Variants in PKD1L1 observed in about 807,000 individuals in gnomAD.
PKD1L1 encodes polycystin-1-like protein 1.
Under a neutral mutation model 323.4 loss-of-function variants are expected in PKD1L1, and 236 were observed. That is an observed-to-expected ratio of 0.73 (90% confidence interval 0.66 to 0.81). The LOEUF is 0.81. PKD1L1 is among the 40% of genes least tolerant of loss of function. The pLI is 0.00. For missense variants in PKD1L1, 3,320 were observed against 3,508.0 expected (o/e 0.95, Z 1.35); for synonymous variants, 1,344 against 1,335.0 (o/e 1.01, Z -0.15).
chr7:47,832,061 T>C (rs879349006), intron 41 of PKD1L1, among the ~76,000 whole-genome samples: 2 of 152,272 alleles, frequency 1.3e-5, no homozygotes, highest in African/African-American at 2.4e-5. Flanking sequence ...AGAGGCAGGA[T>C]GCCATGTCAA....
rs770660746 is a variant in PKD1L1 at position 47,813,260 on chromosome 7, A to G, written c.7207T>C (p.Ser2403Pro). 1.2e-6 allele frequency: 2 copies of G among 1,614,188 alleles called. No individual in the cohort carries two copies. The highest frequency in any genetic ancestry group is 2.2e-5 in the South Asian group (2 of 91,080). Residue 2403 changes from serine (S) to proline (P), a missense_variant, in exon 49 of 57, where the codon TCT becomes CCT. Ser to Pro is a moderately conservative substitution (Grantham distance 74, BLOSUM62 -1). Transcript: ENST00000289672. ...ACTTCGGGACTACATGTAGGAATAG[A>G]GTCTTCGATGAGTGCTGAAAATGGC... is the stretch of plus-strand genomic sequence containing the variant. Reference protein sequence around the residue: ...PRPFSALIEDSIPTCSPEVGG... With the variant: ...PRPFSALIEDPIPTCSPEVGG...
intron 22 of PKD1L1, 59 bp downstream of exon 22, chr7:47,877,430 T>C: frequency 6.3e-7 from 1 of 1,598,858 alleles, no homozygotes; most frequent in Non-Finnish European, 8.5e-7. Flanking sequence ...GTGACTGCTG[T>C]GACTGCCAGA....
Position 47,880,804 on chromosome 7 carries a change from A to G in PKD1L1, c.3444T>C (p.Gly1148=). The G allele has an allele frequency of 6.2e-7, 1 of 1,600,100 alleles. No homozygotes were observed. Among genetic ancestry groups the G allele is most frequent in the East Asian group, 2.3e-5 (1 of 43,802 alleles). ...RAVFQGYSSS[G]ITEQTVTIKP... Reference sequence around the variant, plus strand: ...TGATTGTCACTGTCTGTTCTGTAATACCTGCAGAAAAGACATGGCTGCATG... The same window carrying G: ...TGATTGTCACTGTCTGTTCTGTAATGCCTGCAGAAAAGACATGGCTGCATG... Residue 1148 remains glycine (G), a splice_region_variant and synonymous_variant, in exon 21 of 57, where the codon GGT becomes GGC. Transcript: ENST00000289672.
chr7:47,811,418 G>A (rs1784892137), intron 50 of PKD1L1, among the ~76,000 whole-genome samples: 1 of 152,138 alleles, frequency 6.6e-6, no homozygotes, highest in South Asian at 2.1e-4. Flanking sequence ...GCCTCCCAAA[G>A]TGCTGAGATT....
chr7:47,928,665 C>T (rs973108225), intron 7 of PKD1L1, among the ~76,000 whole-genome samples: 4 of 152,168 alleles, frequency 2.6e-5, no homozygotes, highest in African/African-American at 4.8e-5. Flanking sequence ...TCACCCTCCA[C>T]CCCCAATCAT....
At chr7:47,814,475 G>C (rs1480794582) in intron 47 of PKD1L1, among the ~76,000 whole-genome samples, 2 of 152,204 alleles carry the variant, frequency 1.3e-5, no homozygotes, top group African/African-American at 4.8e-5. Context: ...CACCCACCGG[G>C]TTCAAGCAAT....
Position 47,876,118 on chromosome 7 carries a change from C to T in PKD1L1, c.3763G>A (p.Glu1255Lys). 1 of 1,614,092 alleles carries T rather than the reference C, an allele frequency of 6.2e-7. No individual in the cohort carries two copies. The change falls in exon 23 of 57, where the codon GAG (glutamate) becomes AAG (lysine). Residue 1255 changes from glutamate (E) to lysine (K), a missense_variant. Transcript: ENST00000289672. ...TTACCTTTGTAATTGTCCAAGTGCTCACCAGCTGGCAACACAAAATAATAC... is the reference window on the plus strand; with the variant it reads ...TTACCTTTGTAATTGTCCAAGTGCTTACCAGCTGGCAACACAAAATAATAC... ...TQYYFVLPAG[E>K]HLDNYKVMVS... is the part of the protein sequence containing the mutation.
chr7:47,807,120 GC>G (rs1439796169), intron 52 of PKD1L1, among the ~76,000 whole-genome samples: 2 of 152,092 alleles, frequency 1.3e-5, no homozygotes, highest in Non-Finnish European at 2.9e-5. Context: ...AGTGACAGTT[GC>G]TTTGCCTTGC....
At chr7:47,889,390 G>T (rs1260866026) in intron 16 of PKD1L1, among the ~76,000 whole-genome samples, 1 of 152,016 alleles carries the variant, frequency 6.6e-6, no homozygotes, top group African/African-American at 2.4e-5. Context: ...GATTTAAATT[G>T]TGCCCCAATT....
intron 26 of PKD1L1, among the ~76,000 whole-genome samples, chr7:47,864,633 T>TTTCTTTCTTTCTTTCTTTCC (rs1554404342): frequency 3.2e-4 from 37 of 114,830 alleles, no homozygotes; most frequent in South Asian, 8.7e-4. Context: ...TCTTTCTTTC[T>TTTCTTTCTTTCTTTCTTTCC]TTCCTTCCTT....
upstream of PKD1L1, among the ~76,000 whole-genome samples, chr7:47,949,540 C>T (rs1204024570): frequency 1.3e-5 from 2 of 152,128 alleles, no homozygotes; most frequent in African/African-American, 4.8e-5. Flanking sequence ...CCTCCTGCAC[C>T]TCTCCTTGTT....
At chr7:47,803,162 A>G in intron 53 of PKD1L1, 48 bp downstream of exon 53, 1 of 1,611,148 alleles carries the variant, frequency 6.2e-7, no homozygotes, top group Non-Finnish European at 8.5e-7. Flanking sequence ...GAGTACACAG[A>G]TCAATGGTTT....
chr7:47,827,202 T>C, intron 45 of PKD1L1, 148 bp downstream of exon 45: 1 of 566,450 alleles, frequency 1.8e-6, no homozygotes, highest in Non-Finnish European at 2.9e-6. Flanking sequence ...TAAATAAGGA[T>C]GGCTCTGGGG....
At chr7:47,830,820 A>T (rs745307337) in intron 42 of PKD1L1, among the ~76,000 whole-genome samples, 1 of 152,218 alleles carries the variant, frequency 6.6e-6, no homozygotes, top group Non-Finnish European at 1.5e-5. Context: ...CACATGCATC[A>T]TAATCCCTGT....
chr7:47,911,883 T>C (rs1250311736), intron 8 of PKD1L1, among the ~76,000 whole-genome samples: 2 of 148,374 alleles, frequency 1.3e-5, no homozygotes, highest in African/African-American at 5.0e-5. Context: ...CAGCAGTTAG[T>C]TCAGAAAAAA....
chr7:47,944,442 T>C (rs1788057291), intron 1 of PKD1L1, among the ~76,000 whole-genome samples: 1 of 152,202 alleles, frequency 6.6e-6, no homozygotes. Context: ...GGTATTTCTT[T>C]ATAGCAATGC....
intron 30 of PKD1L1, among the ~76,000 whole-genome samples, chr7:47,853,901 C>A (rs1785841355): frequency 6.6e-6 from 1 of 152,046 alleles, no homozygotes; most frequent in Non-Finnish European, 1.5e-5. Context: ...CACTGCAGCA[C>A]CCACACGTAT....
the PKD1L1 span, among the ~76,000 whole-genome samples, chr7:47,959,030 G>C: frequency 1.3e-5 from 2 of 152,278 alleles, no homozygotes. Flanking sequence ...CGCTGTGTTG[G>C]CCGGGCTGGT....
chr7:47,916,644 A>G (rs1787434770), intron 7 of PKD1L1, among the ~76,000 whole-genome samples: 1 of 152,206 alleles, frequency 6.6e-6, no homozygotes, highest in African/African-American at 2.4e-5. Flanking sequence ...AATGGTTCAC[A>G]TCACAGTACT....
Sources: gnomAD v4.1 joint callset for allele counts (sites outside exome capture counted in the v4.1 genomes callset) on GRCh38, gnomAD v4.1.1 for gene constraint, MANE v1.5 for transcripts, NCBI Gene and HGNC (gene_info 2026-07-23, HGNC 2026-07-21) for gene names.